Variants in IFI35 observed in about 807,000 individuals in gnomAD.
The protein encoded by IFI35 is interferon-induced 35 kDa protein.
A neutral mutation model predicts 28.6 loss-of-function variants in IFI35; 30 were observed. The ratio of observed to expected loss-of-function variants is 1.05; its 90% confidence interval spans 0.79 to 1.43. The LOEUF is 1.43. Ranked by LOEUF, IFI35 falls within the 40% of genes most tolerant of loss-of-function variation. IFI35 has a pLI of 0.00. For synonymous variants in IFI35, 146 were observed against 154.8 expected (o/e 0.94, Z 0.42); for missense variants, 372 against 356.9 (o/e 1.04, Z -0.34).
chr17:43,013,116 A>G lies in IFI35; in HGVS notation c.190A>G (p.Lys64Glu), dbSNP rs2151969277. The change falls in exon 3 of 7, where the codon AAG (lysine) becomes GAG (glutamate). Residue 64 changes from lysine to glutamate, a missense_variant. Transcript: ENST00000415816. The part of the protein sequence containing the change: ...GHTQQDPEVP[K>E]SLVSNLRIHC... ...CACCCAGCAGGACCCGGAAGTGCCT[A>G]AGTCTTTAGTTTCCAATTTGCGGAT... 1.2e-6 allele frequency: 2 copies of G among 1,613,830 alleles called. No individual in the cohort carries two copies. The highest frequency in any genetic ancestry group is 2.2e-5 in the East Asian group (1 of 44,850).
Position 43,013,758 on chromosome 17 carries a change from C to A in IFI35, c.563-18C>A. Reference sequence around the variant, plus strand: ...GAGGGCTTGATGCTAAAGGCCCACCCCTCCTTGCTCCCCACAGTGGCTCAG... The same window carrying A: ...GAGGGCTTGATGCTAAAGGCCCACCACTCCTTGCTCCCCACAGTGGCTCAG... On this transcript the variant is annotated intron_variant, in intron 5 of 6. Transcript: ENST00000415816. 6.2e-7 allele frequency: 1 copy of A among 1,612,166 alleles called. No individual in the cohort carries two copies. Among genetic ancestry groups the A allele is most frequent in the Non-Finnish European group, 8.5e-7 (1 of 1,178,488 alleles).
chr17:43,013,804 G>A lies in IFI35; in HGVS notation c.591G>A (p.Gln197=), dbSNP rs2050491122. 1 of 1,613,114 alleles carries A rather than the reference G, an allele frequency of 6.2e-7. No individual in the cohort carries two copies. Among genetic ancestry groups the A allele is most frequent in the Non-Finnish European group, 8.5e-7 (1 of 1,179,560 alleles). The change falls in exon 6 of 7, where the codon CAG becomes CAA. Residue 197 remains glutamine, a synonymous_variant. Transcript: ENST00000415816. ...GVAQRLCQIG[Q]FTVPLGGQQV... ...CTCAGCGTCTGTGCCAAATCGGCCAGTTCACAGTGCCACTGGGTGGGCAGC... is the reference window on the plus strand; with the variant it reads ...CTCAGCGTCTGTGCCAAATCGGCCAATTCACAGTGCCACTGGGTGGGCAGC...
At chr17:43,009,966 T>A (rs867638392) in intron 1 of IFI35, among the ~76,000 whole-genome samples, 3 of 149,932 alleles carry the variant, frequency 2.0e-5, no homozygotes, top group African/African-American at 7.4e-5. Context: ...CTGGGCGCGG[T>A]GTCTCACACC....
chr17:43,008,976 A>G (rs2050434402), intron 1 of IFI35, among the ~76,000 whole-genome samples: 1 of 151,868 alleles, frequency 6.6e-6, no homozygotes, highest in African/African-American at 2.4e-5. Flanking sequence ...AAATTGGGCC[A>G]TCTTTTTCAA....
Position 43,006,871 on chromosome 17 carries a change from AAG to A in IFI35, c.-74_-73del. ...CCACAGCCCTTTGGGGGGTACAAAC[AAG>A]AGTTCAGTTGCTGTGAATTCTGCCA... is the stretch of plus-strand genomic sequence containing the variant. On this transcript the variant is annotated 5_prime_UTR_variant, in exon 1 of 7. Coordinates refer to ENST00000415816, the MANE Select transcript of IFI35 (RefSeq NM_001330230.2). 6.6e-7 allele frequency: 1 copy of A among 1,518,632 alleles called. No individual in the cohort carries two copies. The highest frequency in any genetic ancestry group is 1.5e-5 in the African/African-American group (1 of 67,124). The allele number at this position is 1,518,632 out of a possible 1,614,324, so 94.1% of individuals were successfully genotyped here.
chr17:43,009,200 T>A (rs1377341886), intron 1 of IFI35, among the ~76,000 whole-genome samples: 1 of 151,870 alleles, frequency 6.6e-6, no homozygotes, highest in Non-Finnish European at 1.5e-5. Flanking sequence ...AGTTTTGTCC[T>A]GTTGCCCAGG....
In IFI35 at chr17:43,013,820, G is replaced by A. The variant is rs1264537639; in HGVS notation, c.607G>A (p.Gly203Ser). The change falls in exon 6 of 7, where the codon GGT becomes AGT. Residue 203 changes from glycine (G) to serine (S), a missense_variant. By Grantham distance (56) the Gly-to-Ser change is moderately conservative. Transcript: ENST00000415816. ...CQIGQFTVPL[G>S]GQQVPLRVSP... Reference sequence around the variant, plus strand: ...AATCGGCCAGTTCACAGTGCCACTGGGTGGGCAGCAAGTCCCTCTGAGAGT... The same window carrying A: ...AATCGGCCAGTTCACAGTGCCACTGAGTGGGCAGCAAGTCCCTCTGAGAGT... 6.2e-7 allele frequency: 1 copy of A among 1,612,400 alleles called. No individual in the cohort carries two copies. The highest frequency in any genetic ancestry group is 8.5e-7 in the Non-Finnish European group (1 of 1,179,258).
chr17:43,013,453 C>G, intron 4 of IFI35, 23 bp from the exon 5 acceptor site: 1 of 1,613,290 alleles, frequency 6.2e-7, no homozygotes, highest in African/African-American at 1.3e-5. Context: ...TGTCTGGGAC[C>G]ACCCCTTGCT....
intron 2 of IFI35, 36 bp downstream of exon 2, chr17:43,012,313 G>A (rs928725084): frequency 3.3e-6 from 5 of 1,502,414 alleles, no homozygotes; most frequent in Admixed American, 2.0e-5. Flanking sequence ...TGGTAAAAAC[G>A]AGCTGGCGAG....
At chr17:43,007,903 T>C (rs1443343394) in intron 1 of IFI35, among the ~76,000 whole-genome samples, 1 of 144,270 alleles carries the variant, frequency 6.9e-6, no homozygotes, top group Admixed American at 6.9e-5. Flanking sequence ...AGAATCACAC[T>C]AGGTAATCCA....
Position 43,013,654 on chromosome 17 carries a change from G to A in IFI35, c.554G>A (p.Arg185Lys). Residue 185 changes from arginine to lysine, a missense_variant, in exon 5 of 7, where the codon AGG (arginine) becomes AAG (lysine). Physicochemically the swap from Arg to Lys is conservative, Grantham distance 26. Coordinates refer to ENST00000415816, the MANE Select transcript of IFI35 (RefSeq NM_001330230.2). ...GGGAGTGTCATGCTGGGGTTTGCTA[G>A]GGATGGAGGTGAGGGCTATGCAGGC... is the stretch of plus-strand genomic sequence containing the variant. ...LPGSVMLGFA[R>K]DGVAQRLCQI... The A allele has an allele frequency of 5.6e-6, 9 of 1,614,040 alleles. No homozygotes were observed. The highest frequency in any genetic ancestry group is 7.6e-6 in the Non-Finnish European group (9 of 1,179,960).
intron 1 of IFI35, 166 bp from the exon 2 acceptor site, chr17:43,012,013 G>A: frequency 2.2e-6 from 1 of 451,756 alleles, no homozygotes. Context: ...AGCCCTGGGT[G>A]GAGGGGGCCA....
chr17:43,013,563 C>A lies in IFI35; in HGVS notation c.463C>A (p.Leu155Ile). The A allele has an allele frequency of 1.9e-6, 3 of 1,614,102 alleles. No individual in the cohort carries two copies. Among genetic ancestry groups the A allele is most frequent in the Non-Finnish European group, 8.5e-7 (1 of 1,180,000 alleles). Residue 155 changes from leucine to isoleucine, a missense_variant, in exon 5 of 7, where the codon CTA (leucine) becomes ATA (isoleucine). By Grantham distance (5) the Leu-to-Ile change is conservative. Transcript: ENST00000415816. ...RLSEEELLDK[L>I]EIFFGKTRNG... ...GAGTGAGGAGGAGCTGCTGGACAAG[C>A]TAGAGATCTTCTTTGGCAAGACTAG...
intron 1 of IFI35, among the ~76,000 whole-genome samples, chr17:43,011,199 C>G (rs1339909805): frequency 6.6e-6 from 1 of 152,166 alleles, no homozygotes; most frequent in African/African-American, 2.4e-5. Context: ...CATTTAACCT[C>G]TCTGAGCTTT....
At chr17:43,013,434 G>A (rs745402288) in intron 4 of IFI35, 42 bp from the exon 5 acceptor site, 1 of 1,612,754 alleles carries the variant, frequency 6.2e-7, no homozygotes, top group Non-Finnish European at 8.5e-7. Flanking sequence ...GCATGGGGAA[G>A]TGGAGCTGTG....
intron 1 of IFI35, among the ~76,000 whole-genome samples, chr17:43,011,103 T>C (rs543681659): frequency 6.6e-6 from 1 of 152,312 alleles, no homozygotes; most frequent in South Asian, 2.1e-4. Context: ...CTCCCCACTC[T>C]GGGCTTCATT....
At chr17:43,011,862 C>T (rs1355323628) in intron 1 of IFI35, among the ~76,000 whole-genome samples, 1 of 152,168 alleles carries the variant, frequency 6.6e-6, no homozygotes, top group Non-Finnish European at 1.5e-5. Context: ...CCCTTATCTT[C>T]CACTGCCTGT....
chr17:43,008,034 C>CTTTT (rs1165440744), intron 1 of IFI35, among the ~76,000 whole-genome samples: 1 of 132,482 alleles, frequency 7.5e-6, no homozygotes, highest in Non-Finnish European at 1.6e-5. Context: ...AGGACAATCC[C>CTTTT]TTTTTTTTTT....
chr17:43,012,357 C>A (rs2050468347), intron 2 of IFI35, 80 bp downstream of exon 2: 3 of 1,024,296 alleles, frequency 2.9e-6, no homozygotes, highest in Non-Finnish European at 4.4e-6. Flanking sequence ...GTAAACCCAG[C>A]ACTTTGGTAG....
Sources: gnomAD v4.1 joint callset for allele counts (sites outside exome capture counted in the v4.1 genomes callset) on GRCh38, gnomAD v4.1.1 for gene constraint, MANE v1.5 for transcripts, NCBI Gene and HGNC (gene_info 2026-07-23, HGNC 2026-07-21) for gene names.